Variants in PCDHA1 observed in about 807,000 individuals in gnomAD.
PCDHA1 encodes the protein protocadherin alpha-1.
Under a neutral mutation model 61.3 loss-of-function variants are expected in PCDHA1, and 42 were observed. That is an observed-to-expected ratio of 0.69 (90% CI 0.54 to 0.89). The LOEUF is 0.89. PCDHA1 is among the 40% of genes least tolerant of loss of function. The pLI, the probability that PCDHA1 is intolerant of heterozygous loss-of-function variation, is 0.00. For synonymous variants in PCDHA1, 610 were observed against 553.8 expected, an observed-to-expected ratio of 1.10 and a Z score of -1.43; for missense variants, 1,256 against 1,235.3, an observed-to-expected ratio of 1.02 and a Z score of -0.25.
At chr5:141,002,342 C>A (rs1047277199) in intron 3 of PCDHA1, among the ~76,000 whole-genome samples, 3 of 152,070 alleles carry the variant, frequency 2.0e-5, no homozygotes, top group African/African-American at 4.8e-5. Flanking sequence ...CGCACCCCTT[C>A]CCCCACCTCC....
chr5:140,947,872 T>C (rs2094186307), intron 1 of PCDHA1, among the ~76,000 whole-genome samples: 1 of 151,588 alleles, frequency 6.6e-6, no homozygotes, highest in Admixed American at 6.6e-5. Context: ...GGCTAGGACT[T>C]CCAGGACAAT....
intron 1 of PCDHA1, chr5:140,829,375 G>A (rs1770260995): frequency 2.5e-6 from 4 of 1,614,026 alleles, no homozygotes; most frequent in East Asian, 2.2e-5. Flanking sequence ...TAACCGCGCG[G>A]GACGGGGGCT....
At chr5:140,795,729 G>A (rs782366591) in intron 1 of PCDHA1, 2 of 1,613,980 alleles carry the variant, frequency 1.2e-6, no homozygotes, top group South Asian at 2.2e-5. Context: ...TAGAGAATAC[G>A]GCAAATGGGA....
chr5:140,969,391 A>G, intron 1 of PCDHA1: 2 of 1,592,664 alleles, frequency 1.3e-6, no homozygotes, highest in South Asian at 2.3e-5. Flanking sequence ...ATCCCCCAAT[A>G]TCCTGTGATT....
At chr5:140,789,054 C>A (rs1273531677) in intron 1 of PCDHA1, among the ~76,000 whole-genome samples, 1 of 152,214 alleles carries the variant, frequency 6.6e-6, no homozygotes, top group African/African-American at 2.4e-5. Flanking sequence ...AAGCCCCGGA[C>A]AAACAATTCT....
intron 1 of PCDHA1, among the ~76,000 whole-genome samples, chr5:140,962,590 C>T (rs2095694493): frequency 6.6e-6 from 1 of 152,144 alleles, no homozygotes; most frequent in African/African-American, 2.4e-5. Context: ...AAATATTTGA[C>T]TGATATATTT....
chr5:140,886,786 A>C (rs2061126610), intron 1 of PCDHA1, among the ~76,000 whole-genome samples: 1 of 150,390 alleles, frequency 6.6e-6, no homozygotes, highest in East Asian at 2.0e-4. Context: ...AGATCATGCT[A>C]CTGTACTCCA....
intron 1 of PCDHA1, among the ~76,000 whole-genome samples, chr5:140,933,797 A>G (rs1419925900): frequency 6.6e-6 from 1 of 152,062 alleles, no homozygotes; most frequent in African/African-American, 2.4e-5. Context: ...GAAAATTTTA[A>G]TTGAGATCAA....
chr5:140,896,536 CT>C (rs34213614), intron 1 of PCDHA1, among the ~76,000 whole-genome samples: 112 of 145,476 alleles, frequency 7.7e-4, no homozygotes, highest in Admixed American at 9.6e-4. Flanking sequence ...AGCTATTTTT[CT>C]TTTTTTTTTT....
chr5:140,821,632 A>C, intron 1 of PCDHA1: 7 of 971,634 alleles, frequency 7.2e-6, no homozygotes, highest in Non-Finnish European at 1.0e-5. Flanking sequence ...TTAGACAGAA[A>C]GGAAAAGAAC....
chr5:140,816,713 T>C (rs1414533262), intron 1 of PCDHA1: 2 of 152,204 alleles, frequency 1.3e-5, no homozygotes, highest in African/African-American at 4.8e-5. Context: ...CTAGAGATTC[T>C]AGGGACCTCT....
At chr5:140,867,525 TA>T (rs2050008799) in intron 1 of PCDHA1, 4 of 152,102 alleles carry the variant, frequency 2.6e-5, no homozygotes, top group Admixed American at 2.6e-4. Context: ...AATAGTTGAA[TA>T]TATATATAAA....
At chr5:140,795,362 T>C in intron 1 of PCDHA1, 1 of 1,614,154 alleles carries the variant, frequency 6.2e-7, no homozygotes, top group Non-Finnish European at 8.5e-7. Flanking sequence ...CCGCCAATAT[T>C]TCCAATGACA....
rs184181976 is a variant in PCDHA1, at chr5:141,009,882, A to C, written c.2798A>C (p.Lys933Thr). Reference protein sequence around the residue: ...KKKKKKKKGNKTQEKKEKGNS... With the variant: ...KKKKKKKKGNTTQEKKEKGNS... Reference sequence around the variant, plus strand: ...AAGAAGAAAAAGAAGAAGGGTAACAAGACCCAGGAGAAAAAAGAGAAAGGG... The same window carrying C: ...AAGAAGAAAAAGAAGAAGGGTAACACGACCCAGGAGAAAAAAGAGAAAGGG... The change falls in exon 4 of 4, where the codon AAG becomes ACG. Residue 933 changes from lysine (K) to threonine (T), a missense_variant. Physicochemically the swap from Lys to Thr is moderately conservative, Grantham distance 78. Transcript: ENST00000504120. 6.2e-7 allele frequency: 1 copy of C among 1,613,488 alleles called. No homozygotes were observed. Among genetic ancestry groups the C allele is most frequent in the Non-Finnish European group, 8.5e-7 (1 of 1,179,914 alleles).
rs376929883 is a variant in PCDHA1 at position 140,967,867 on chromosome 5, C to T, written c.2395-11082C>T. Reference sequence around the variant, plus strand: ...ATGACAATGCCCCAGAGGTGGTGCTCACGGACCTGTATAGCCCAGTGCCTG... The same window carrying T: ...ATGACAATGCCCCAGAGGTGGTGCTTACGGACCTGTATAGCCCAGTGCCTG... On this transcript the variant is annotated intron_variant, in intron 1 of 3. Coordinates refer to ENST00000504120, the MANE Select transcript of PCDHA1 (RefSeq NM_018900.4). 48 of 1,614,012 alleles carry T rather than the reference C, an allele frequency of 3.0e-5. No individual in the cohort carries two copies. The African/African-American group carries it at 6.0e-4, about 20-fold the overall frequency.
At chr5:140,870,461 C>G in intron 1 of PCDHA1, 2 of 1,614,246 alleles carry the variant, frequency 1.2e-6, no homozygotes, top group Admixed American at 3.3e-5. Context: ...AATGCGCCTG[C>G]GTTCGCACAG....
chr5:140,819,658 A>T (rs1010317649), intron 1 of PCDHA1, among the ~76,000 whole-genome samples: 5 of 152,142 alleles, frequency 3.3e-5, no homozygotes, highest in African/African-American at 1.2e-4. Context: ...GGAATATTCA[A>T]AATAAGAGTT....
At chr5:140,835,774 T>C in intron 1 of PCDHA1, 3 of 1,613,040 alleles carry the variant, frequency 1.9e-6, no homozygotes, top group Non-Finnish European at 2.5e-6. Context: ...ACGGTGTTCG[T>C]GAAGGAGAAC....
rs374513389 is a variant in PCDHA1 at position 140,801,718 on chromosome 5, C to G, written c.2394+13034C>G. ...TCGTTGTTGACTTACAGTCTTGATT[C>G]CACTGAATATTTTACCTTGGACGTT... is the stretch of plus-strand genomic sequence containing the variant. On this transcript the variant is annotated intron_variant, in intron 1 of 3. Transcript: ENST00000504120. The G allele has an allele frequency of 1.5e-5, 24 of 1,613,958 alleles. No homozygotes were observed. The highest frequency in any genetic ancestry group is 2.0e-5 in the Non-Finnish European group (24 of 1,180,024).
Sources: gnomAD v4.1 joint callset for allele counts (sites outside exome capture counted in the v4.1 genomes callset) on GRCh38, gnomAD v4.1.1 for gene constraint, MANE v1.5 for transcripts, NCBI Gene and HGNC (gene_info 2026-07-23, HGNC 2026-07-21) for gene names.